Variants in RADIL observed in about 807,000 individuals in gnomAD.
RADIL encodes Rap associating with DIL domain, also known as ras-associating and dilute domain-containing protein.
Under a neutral mutation model 97.6 loss-of-function variants are expected in RADIL, and 99 were observed. The observed-to-expected ratio is 1.01, with a 90% CI of 0.86 to 1.20. The LOEUF (loss-of-function observed/expected upper bound fraction) is 1.20, where lower values mean the gene tolerates loss of function less well. RADIL is among the 50% of genes most tolerant of loss of function. RADIL has a pLI of 0.00. For missense variants in RADIL, 1,765 were observed against 1,498.9 expected (o/e 1.18, Z -2.93); for synonymous variants, 803 against 691.8 (o/e 1.16, Z -2.52).
intron 5 of RADIL, among the ~76,000 whole-genome samples, chr7:4,831,004 G>A (rs995941727): frequency 9.3e-5 from 14 of 149,784 alleles, no homozygotes; most frequent in African/African-American, 3.5e-4. Flanking sequence ...CTGGGCGACA[G>A]AGCGAGATGC....
Position 4,832,185 on chromosome 7 carries a change from T to C in RADIL, c.1417-7A>G. On this transcript the variant is annotated splice_polypyrimidine_tract_variant and splice_region_variant and intron_variant, in intron 4 of 14. Coordinates refer to ENST00000399583, the MANE Select transcript of RADIL (RefSeq NM_018059.5). ...CTAGTTCTTTGGTTTTCTCCTACAA[T>C]TACAAAGCGGGAGAAAAAGCAAGTG... is the stretch of plus-strand genomic sequence containing the variant. 6.2e-7 allele frequency: 1 copy of C among 1,610,818 alleles called. No individual in the cohort carries two copies.
At chr7:4,838,941 A>ATGCACACG (rs1562445278) in intron 2 of RADIL, among the ~76,000 whole-genome samples, 4 of 152,000 alleles carry the variant, frequency 2.6e-5, no homozygotes, top group African/African-American at 9.7e-5. Flanking sequence ...TCGTGCACAC[A>ATGCACACG]TGCATGCACA....
intron 1 of RADIL, among the ~76,000 whole-genome samples, chr7:4,881,242 T>C (rs1309630504): frequency 1.4e-5 from 2 of 139,058 alleles, no homozygotes; most frequent in African/African-American, 5.5e-5. Context: ...TATGAAACCC[T>C]TTTTCTACTA....
Position 4,834,703 on chromosome 7 carries a change from C to G in RADIL, c.1320G>C (p.Leu440=), listed in dbSNP as rs75074289. The part of the protein sequence containing the change: ...DDHKLTPAFL[L]CLCIQHSATH... ...TGGCCGAGTGCTGGATGCAGAGGCACAGGAGGAAGGCGGGGGTCAGCTTGT... is the reference window on the plus strand; with the variant it reads ...TGGCCGAGTGCTGGATGCAGAGGCAGAGGAGGAAGGCGGGGGTCAGCTTGT... The change falls in exon 4 of 15, where the codon CTG becomes CTC. Residue 440 remains leucine (L), a synonymous_variant. Coordinates refer to ENST00000399583, the MANE Select transcript of RADIL (RefSeq NM_018059.5). The surrounding 1 kb of genome is among the most constrained non-coding windows in gnomAD (Gnocchi z 6.0). 0.076 allele frequency: 106,784 copies of G among 1,406,780 alleles called. 4,334 individuals are homozygous for G. Among genetic ancestry groups the G allele is most frequent in the East Asian group, 0.1 (3,781 of 36,190 alleles). The allele number at this position is 1,406,780 out of a possible 1,614,324, so 87.1% of individuals were successfully genotyped here. A position where few individuals can be genotyped will look rare whatever the true frequency, so the allele number is the denominator to read the frequency against.
intron 9 of RADIL, among the ~76,000 whole-genome samples, chr7:4,812,052 T>A (rs764412709): frequency 6.6e-6 from 1 of 151,950 alleles, no homozygotes; most frequent in Non-Finnish European, 1.5e-5. Context: ...TTTTTCTGTG[T>A]GTGTTTTTGT....
intron 9 of RADIL, among the ~76,000 whole-genome samples, chr7:4,807,980 T>TCTC (rs149677631): frequency 0.11 from 5,423 of 47,596 alleles, 647 homozygotes; most frequent in African/African-American, 0.34. Context: ...CCCTCCTCCC[T>TCTC]CTCTCCCTGT....
intron 5 of RADIL, among the ~76,000 whole-genome samples, chr7:4,826,005 G>C (rs553593736): frequency 6.6e-6 from 1 of 152,034 alleles, no homozygotes; most frequent in African/African-American, 2.4e-5. Context: ...CACTTTGGGA[G>C]GCTGAAGCTA....
chr7:4,805,812 C>T, intron 9 of RADIL, 96 bp from the exon 10 acceptor site: 1 of 1,485,976 alleles, frequency 6.7e-7, no homozygotes, highest in Non-Finnish European at 8.9e-7. Context: ...GGGTAGCCAG[C>T]TGAGGGGCCC....
At chr7:4,810,024 T>C (rs1782494650) in intron 9 of RADIL, among the ~76,000 whole-genome samples, 1 of 152,196 alleles carries the variant, frequency 6.6e-6, no homozygotes, top group Non-Finnish European at 1.5e-5. Flanking sequence ...CTGGCTAGTT[T>C]TTCTATTTTT....
chr7:4,831,672 T>C (rs1783143443), intron 5 of RADIL, among the ~76,000 whole-genome samples: 1 of 147,326 alleles, frequency 6.8e-6, no homozygotes, highest in African/African-American at 2.5e-5. Flanking sequence ...TTGAGTTCAG[T>C]AGTTCGAGAC....
chr7:4,820,364 C>T (rs1018364429), intron 6 of RADIL, among the ~76,000 whole-genome samples: 4 of 152,180 alleles, frequency 2.6e-5, no homozygotes, highest in Non-Finnish European at 5.9e-5. Context: ...GGGAACCTTG[C>T]GTGGAGACTT....
intron 2 of RADIL, among the ~76,000 whole-genome samples, chr7:4,836,865 G>C (rs915311936): frequency 3.6e-4 from 55 of 152,106 alleles, no homozygotes; most frequent in South Asian, 1.0e-3. Context: ...TTAAACCCAG[G>C]AGGCGGAGGT....
Position 4,835,156 on chromosome 7 carries a change from T to C in RADIL, c.867A>G (p.Ser289=), listed in dbSNP as rs542308896. 1.9e-6 allele frequency: 3 copies of C among 1,611,176 alleles called. No homozygotes were observed. Among genetic ancestry groups the C allele is most frequent in the East Asian group, 4.5e-5 (2 of 44,770 alleles). ...TPSSKPSISL[S]APDILPLHCT... Reference sequence around the variant, plus strand: ...AGTGTAGAGGCAGGATGTCGGGGGCTGAGAGGCTGATGCTGGGCTTGCTGG... The same window carrying C: ...AGTGTAGAGGCAGGATGTCGGGGGCCGAGAGGCTGATGCTGGGCTTGCTGG... The change falls in exon 4 of 15, where the codon TCA becomes TCG. Residue 289 remains serine (S), a synonymous_variant. Coordinates refer to ENST00000399583, the MANE Select transcript of RADIL (RefSeq NM_018059.5). The surrounding 1 kb of genome is among the most constrained non-coding windows in gnomAD (Gnocchi z 5.8).
intron 10 of RADIL, 197 bp from the exon 11 acceptor site, chr7:4,803,951 G>T (rs546102417): frequency 4.4e-6 from 3 of 676,092 alleles, no homozygotes; most frequent in Non-Finnish European, 8.1e-6. Flanking sequence ...AATTCCCGCC[G>T]ACCACCCGGT....
chr7:4,825,529 AGC>A (rs955285764), intron 5 of RADIL, among the ~76,000 whole-genome samples: 9 of 152,318 alleles, frequency 5.9e-5, no homozygotes, highest in African/African-American at 1.9e-4. Context: ...CAGCTCAGCC[AGC>A]GCCATCACAC....
rs141911014 is a variant in RADIL, at chr7:4,822,639, C to T, written c.1455-85G>A. ...ACCACTCTTTCTACATAAGGATGCG[C>T]GTTTTCATGGGACGCTGACAACAAC... is the stretch of plus-strand genomic sequence containing the variant. On this transcript the variant is annotated intron_variant, in intron 5 of 14. Transcript: ENST00000399583. The surrounding 1 kb of genome is among the most constrained non-coding windows in gnomAD (Gnocchi z 5.3). 42 of 1,456,942 alleles carry T rather than the reference C, an allele frequency of 2.9e-5. No individual in the cohort carries two copies. The South Asian group carries it at 3.2e-4, about 11-fold the overall frequency. The allele number at this position is 1,456,942 out of a possible 1,614,324, so 90.3% of individuals were successfully genotyped here.
chr7:4,871,950 C>T (rs188226491), intron 2 of RADIL, among the ~76,000 whole-genome samples: 11 of 152,262 alleles, frequency 7.2e-5, no homozygotes, highest in East Asian at 5.8e-4. Flanking sequence ...TTACAAAGTG[C>T]GCATCCAAAG....
intron 9 of RADIL, 110 bp from the exon 10 acceptor site, chr7:4,805,826 G>A: frequency 6.9e-7 from 1 of 1,459,380 alleles, no homozygotes; most frequent in Non-Finnish European, 9.0e-7. Context: ...GGGGCCCTGT[G>A]GTCCTCACTC....
chr7:4,817,367 C>T lies in RADIL; in HGVS notation c.1616-16G>A, dbSNP rs760711218. ...TCCTTCGAGCCTGCCGGGAGACAGC[C>T]ACGCCAATGGTCACAACGGGCACAG... On this transcript the variant is annotated splice_polypyrimidine_tract_variant and intron_variant, in intron 6 of 14. Coordinates refer to ENST00000399583, the MANE Select transcript of RADIL (RefSeq NM_018059.5). The surrounding 1 kb of genome is among the most constrained non-coding windows in gnomAD (Gnocchi z 8.3). 6.2e-7 allele frequency: 1 copy of T among 1,606,798 alleles called. No individual in the cohort carries two copies. The highest frequency in any genetic ancestry group is 8.5e-7 in the Non-Finnish European group (1 of 1,176,768).
Sources: gnomAD v4.1 joint callset for allele counts (sites outside exome capture counted in the v4.1 genomes callset) on GRCh38, gnomAD v4.1.1 for gene constraint, Gnocchi (gnomAD v3.1) non-coding constraint, MANE v1.5 for transcripts, NCBI Gene and HGNC (gene_info 2026-07-23, HGNC 2026-07-21) for gene names.